Variants in SCN7A observed in about 807,000 individuals in gnomAD.
SCN7A encodes sodium voltage-gated channel alpha subunit 7, also known as sodium channel protein type 7 subunit alpha.
A neutral mutation model predicts 155.2 loss-of-function variants in SCN7A; 138 were observed. The ratio of observed to expected loss-of-function variants is 0.89; its 90% CI spans 0.77 to 1.02. SCN7A has a LOEUF of 1.02. Ranked by LOEUF, SCN7A falls within the 50% of genes least tolerant of loss-of-function variation. The probability of loss-of-function intolerance (pLI) is 0.00; values close to 1 mark genes in which losing one functional copy is unlikely to be tolerated. For synonymous variants in SCN7A, 693 were observed against 649.0 expected (o/e 1.07, Z -1.03); for missense variants, 2,058 against 1,986.6 (o/e 1.04, Z -0.68).
At chr2:166,419,163 T>G (rs1266472224) in intron 20 of SCN7A, among the ~76,000 whole-genome samples, 1 of 152,234 alleles carries the variant, frequency 6.6e-6, no homozygotes, top group South Asian at 2.1e-4. Flanking sequence ...ATGTCTAAAC[T>G]TATTAGGAAA....
chr2:166,485,958 C>G (rs1173422109), intron 2 of SCN7A, among the ~76,000 whole-genome samples: 1 of 152,156 alleles, frequency 6.6e-6, no homozygotes, highest in African/African-American at 2.4e-5. Context: ...TAGGATTCAA[C>G]AAGTGAAGAA....
intron 12 of SCN7A, among the ~76,000 whole-genome samples, chr2:166,445,513 T>C (rs1702044360): frequency 6.6e-6 from 1 of 152,164 alleles, no homozygotes; most frequent in Non-Finnish European, 1.5e-5. Flanking sequence ...ACAGAAATAC[T>C]CTATCCTAAT....
At chr2:166,411,455 T>C (rs995134894) in intron 23 of SCN7A, among the ~76,000 whole-genome samples, 1 of 150,538 alleles carries the variant, frequency 6.6e-6, no homozygotes. Flanking sequence ...GAAGTGATGC[T>C]GGCCTTCGAA....
chr2:166,440,355 A>G (rs919089131), intron 15 of SCN7A, among the ~76,000 whole-genome samples: 2 of 152,214 alleles, frequency 1.3e-5, no homozygotes, highest in African/African-American at 4.8e-5. Context: ...TTAAAATTTA[A>G]TGGGCACACA....
chr2:166,492,723 A>T (rs1683140723), intron 1 of SCN7A, among the ~76,000 whole-genome samples: 1 of 152,214 alleles, frequency 6.6e-6, no homozygotes, highest in African/African-American at 2.4e-5. Flanking sequence ...TCAGACTTAG[A>T]AGGAAAATCA....
chr2:166,471,009 AAGAT>A (rs779603654), intron 6 of SCN7A, among the ~76,000 whole-genome samples: 2 of 151,920 alleles, frequency 1.3e-5, no homozygotes, highest in East Asian at 1.9e-4. Context: ...AATTACTGAA[AAGAT>A]AGTTACAATG....
intron 25 of SCN7A, 81 bp from the exon 26 acceptor site, chr2:166,406,727 A>T: frequency 1.0e-6 from 1 of 963,446 alleles, no homozygotes; most frequent in Non-Finnish European, 1.6e-6. Flanking sequence ...TTTTACACTT[A>T]ATTGTTTTTC....
At chr2:166,459,152 T>C (rs575001589) in intron 10 of SCN7A, among the ~76,000 whole-genome samples, 8 of 152,020 alleles carry the variant, frequency 5.3e-5, no homozygotes, top group Non-Finnish European at 1.2e-4. Context: ...AGAAGACAAA[T>C]GAAAATCAGA....
chr2:166,413,989 A>ATATATATATATATATT (rs1286673051), intron 21 of SCN7A, among the ~76,000 whole-genome samples: 1 of 100,770 alleles, frequency 9.9e-6, no homozygotes, highest in Non-Finnish European at 1.9e-5. Flanking sequence ...GTGTATATAT[A>ATATATATATATATATT]TATATATATA....
chr2:166,481,940 T>A (rs1231495632), intron 2 of SCN7A, among the ~76,000 whole-genome samples: 1 of 152,186 alleles, frequency 6.6e-6, no homozygotes, highest in Non-Finnish European at 1.5e-5. Context: ...ATCTTTCTAA[T>A]AGCTGTCAAA....
At chr2:166,421,759 G>A (rs1393941103) in intron 19 of SCN7A, among the ~76,000 whole-genome samples, 5 of 151,652 alleles carry the variant, frequency 3.3e-5, no homozygotes, top group Admixed American at 3.3e-4. Flanking sequence ...TCAGAGGATA[G>A]GCATCAAGGA....
chr2:166,423,756 A>G (rs1701562486), intron 18 of SCN7A, among the ~76,000 whole-genome samples: 1 of 152,136 alleles, frequency 6.6e-6, no homozygotes, highest in Non-Finnish European at 1.5e-5. Flanking sequence ...CACAAGAGTC[A>G]AAACCTTTAG....
chr2:166,478,825 A>G (rs1702858057), intron 2 of SCN7A, among the ~76,000 whole-genome samples: 1 of 152,016 alleles, frequency 6.6e-6, no homozygotes. Context: ...ATTTCAAGTT[A>G]TCCTATAGGC....
intron 3 of SCN7A, among the ~76,000 whole-genome samples, chr2:166,475,121 C>CATATATACGTATAT (rs1559125289): frequency 4.1e-4 from 42 of 102,128 alleles, no homozygotes; most frequent in Admixed American, 6.1e-4. Flanking sequence ...TATATATATA[C>CATATATACGTATAT]ATATATATAT....
rs1702679858 is a variant in SCN7A, at chr2:166,472,366, A to G, written c.523T>C (p.Phe175Leu). 6.2e-7 allele frequency: 1 copy of G among 1,608,966 alleles called. No homozygotes were observed. Among genetic ancestry groups the G allele is most frequent in the Non-Finnish European group, 8.5e-7 (1 of 1,176,852 alleles). The change falls in exon 6 of 26, where the codon TTC (phenylalanine) becomes CTC (leucine). Residue 175 changes from phenylalanine to leucine, a missense_variant. Phe to Leu is a conservative substitution (Grantham distance 22). Coordinates refer to ENST00000643258, the MANE Select transcript of SCN7A (RefSeq NM_002976.4). ...ARGVWAGSFS[F>L]LGDPWNWLDF... is the part of the protein sequence containing the mutation. ...AGCCAGTTCCATGGATCACCGAGGAAGGAAAATGATCCTGCCCAGACACCT... is the reference window on the plus strand; with the variant it reads ...AGCCAGTTCCATGGATCACCGAGGAGGGAAAATGATCCTGCCCAGACACCT...
At position 166,432,274 on chromosome 2, in the gene SCN7A, A is replaced by G. The variant is rs770794584; in HGVS notation, c.2592+44T>C. 3.4e-6 allele frequency: 5 copies of G among 1,461,794 alleles called. No individual in the cohort carries two copies. The East Asian group carries it at 9.1e-5, about 27-fold the overall frequency. The allele number at this position is 1,461,794 out of a possible 1,614,324, so 90.6% of individuals were successfully genotyped here. The stretch of plus-strand genomic sequence containing the variant: ...GCTGATTTACTTCCTTATCAACAAT[A>G]CTATAAATCACCACTAAGCAATCAG... On this transcript the variant is annotated intron_variant, in intron 16 of 25. Coordinates refer to ENST00000643258, the MANE Select transcript of SCN7A (RefSeq NM_002976.4).
chr2:166,444,784 GTGTT>G lies in SCN7A; in HGVS notation c.1600_1603del (p.Asn534LeufsTer18). The G allele has an allele frequency of 6.3e-7, 1 of 1,585,016 alleles. No homozygotes were observed. The highest frequency in any genetic ancestry group is 2.2e-5 in the East Asian group (1 of 44,460). On this transcript the variant is annotated frameshift_variant, in exon 13 of 26. Transcript: ENST00000643258. LOFTEE classifies it high-confidence loss of function. ...TACCAGGTTTCCAATGTTGAGAAGA[GTGTT>G]AGTTTGTTTACTCATTGGATAATGC...
At chr2:166,458,626 G>T (rs890072152) in intron 10 of SCN7A, among the ~76,000 whole-genome samples, 10 of 151,992 alleles carry the variant, frequency 6.6e-5, no homozygotes, top group South Asian at 2.1e-4. Context: ...CAATTTTTTG[G>T]TTTTTTATAC....
In SCN7A at chr2:166,410,261, G is replaced by C. The variant is rs1215225320; in HGVS notation, c.3670C>G (p.Leu1224Val). The change falls in exon 24 of 26, where the codon CTA (leucine) becomes GTA (valine). Residue 1224 changes from leucine (L) to valine (V), a missense_variant. By Grantham distance (32) the Leu-to-Val change is conservative (BLOSUM62 1). Coordinates refer to ENST00000643258, the MANE Select transcript of SCN7A (RefSeq NM_002976.4). Reference protein sequence around the residue: ...QRKQYRRLKKLMYEDSQRPVP... With the variant: ...QRKQYRRLKKVMYEDSQRPVP... ...GGTCTTTGAGAATCCTCATACATTAGCTTCTTCAGCCTGCGGTACTGTTTT... is the reference window on the plus strand; with the variant it reads ...GGTCTTTGAGAATCCTCATACATTACCTTCTTCAGCCTGCGGTACTGTTTT... The C allele has an allele frequency of 6.4e-7, 1 of 1,556,592 alleles. No homozygotes were observed. Among genetic ancestry groups the C allele is most frequent in the Admixed American group, 1.9e-5 (1 of 51,926 alleles).
Sources: gnomAD v4.1 joint callset for allele counts (sites outside exome capture counted in the v4.1 genomes callset) on GRCh38, gnomAD v4.1.1 for gene constraint, MANE v1.5 for transcripts, NCBI Gene and HGNC (gene_info 2026-07-23, HGNC 2026-07-21) for gene names.